MAP2K5: variants seen among roughly 807,000 people sequenced by gnomAD.
MAP2K5 encodes the protein dual specificity mitogen-activated protein kinase kinase 5.
MAP2K5 carries 49 observed loss-of-function variants against 83.1 expected under a neutral mutation model. That is an observed-to-expected ratio of 0.59 (90% CI 0.47 to 0.75). MAP2K5 has a LOEUF of 0.75. MAP2K5 is among the 30% of genes least tolerant of loss of function. MAP2K5 has a pLI of 0.00. For missense variants in MAP2K5, 457 were observed against 557.5 expected (o/e 0.82, Z 1.82); for synonymous variants, 202 against 191.8 (o/e 1.05, Z -0.44).
chr15:67,655,131 T>A (rs2087038263), intron 11 of MAP2K5, among the ~76,000 whole-genome samples: 1 of 152,192 alleles, frequency 6.6e-6, no homozygotes. Flanking sequence ...TCATCTTTTT[T>A]ATGCTATTAT....
chr15:67,692,802 CA>C (rs1324309079), intron 14 of MAP2K5, among the ~76,000 whole-genome samples: 1 of 152,110 alleles, frequency 6.6e-6, no homozygotes, highest in Non-Finnish European at 1.5e-5. Flanking sequence ...TAGCAAACTT[CA>C]TTGATATGCA....
intron 19 of MAP2K5, among the ~76,000 whole-genome samples, chr15:67,762,991 G>A (rs1000175780): frequency 1.9e-4 from 29 of 152,092 alleles, no homozygotes; most frequent in African/African-American, 6.8e-4. Context: ...AATTTGTCAC[G>A]CCTGGCAGCC....
chr15:67,624,583 A>G (rs2086267446), intron 8 of MAP2K5, among the ~76,000 whole-genome samples: 1 of 146,956 alleles, frequency 6.8e-6, no homozygotes, highest in South Asian at 2.2e-4. Context: ...AAACATCACG[A>G]TCTCTTTGTG....
intron 2 of MAP2K5, among the ~76,000 whole-genome samples, chr15:67,560,965 G>A (rs556153997): frequency 5.9e-5 from 9 of 152,184 alleles, no homozygotes; most frequent in African/African-American, 2.2e-4. Flanking sequence ...CAAAATATAA[G>A]CACTTGCCCA....
At chr15:67,598,301 G>A (rs895071956) in intron 7 of MAP2K5, among the ~76,000 whole-genome samples, 5 of 152,106 alleles carry the variant, frequency 3.3e-5, no homozygotes, top group African/African-American at 1.2e-4. Context: ...AGACATTATA[G>A]GAACACGTTG....
rs902016555 is a variant in MAP2K5, at chr15:67,620,568, T to C, written c.546-10320T>C. 3.3e-5 allele frequency among the ~76,000 whole-genome samples: 5 copies of C among 152,130 alleles called. No individual in the cohort carries two copies. In the South Asian group the frequency reaches 1.0e-3, roughly 32 times the overall value. ...GTAGAAATAAAAGAATGGAATCCAA[T>C]TGAATTCAGGAAGGAATAACATGAA... is the stretch of plus-strand genomic sequence containing the variant. On this transcript the variant is annotated intron_variant, in intron 8 of 21. Transcript: ENST00000178640.
At position 67,794,637 on chromosome 15, in the gene MAP2K5, T is replaced by TG. The variant is rs2090573392; in HGVS notation, c.1243-12008dup. 1.5e-5 allele frequency among the ~76,000 whole-genome samples: 1 copy of TG among 65,188 alleles called. No homozygotes were observed. The highest frequency in any genetic ancestry group is 8.3e-5 in the African/African-American group (1 of 12,060). 42.8% of individuals were successfully genotyped at this position (65,188 alleles called of 152,430 possible). A position where few individuals can be genotyped will look rare whatever the true frequency, so the allele number is the denominator to read the frequency against. ...TCGGGTAACTCTGGAACATCACAGC[T>TG]GAAAAAAAAAAAAAAAAAAAGACGG... is the stretch of plus-strand genomic sequence containing the variant. On this transcript the variant is annotated intron_variant, in intron 21 of 21. Transcript: ENST00000178640. This position sits in a 1 kb window ranked among gnomAD's most constrained non-coding sequence, Gnocchi z 4.6.
Position 67,573,938 on chromosome 15 carries a change from A to G in MAP2K5, c.253-6816A>G, listed in dbSNP as rs1428454069. On this transcript the variant is annotated intron_variant, in intron 3 of 21. Transcript: ENST00000178640. The surrounding 1 kb of genome is among the most constrained non-coding windows in gnomAD (Gnocchi z 4.2). ...TTACATATAAACAAACATTGTACATAAGGTAGATGTGTTCCTCCTCTTGCT... is the reference window on the plus strand; with the variant it reads ...TTACATATAAACAAACATTGTACATGAGGTAGATGTGTTCCTCCTCTTGCT... Among the ~76,000 whole-genome samples the G allele has an allele frequency of 6.6e-6, 1 of 152,188 alleles. No individual in the cohort carries two copies. The highest frequency in any genetic ancestry group is 1.9e-4 in the East Asian group (1 of 5,202).
At chr15:67,727,612 A>T (rs1240231812) in intron 16 of MAP2K5, among the ~76,000 whole-genome samples, 1 of 152,230 alleles carries the variant, frequency 6.6e-6, no homozygotes, top group African/African-American at 2.4e-5. Flanking sequence ...AGAAACTGTC[A>T]CACACACGTA....
rs1403082611 is a variant in MAP2K5 at position 67,801,689 on chromosome 15, G to A, written c.1243-4957G>A. Among the ~76,000 whole-genome samples, 2 of 152,170 alleles carry A rather than the reference G, an allele frequency of 1.3e-5. No individual in the cohort carries two copies. Among genetic ancestry groups the A allele is most frequent in the Non-Finnish European group, 2.9e-5 (2 of 68,028 alleles). ...ATGGGGGTGCCGGGAGGGTTCAGGA[G>A]AGCTGTGGTCAGATGTAAGGCATTC... On this transcript the variant is annotated intron_variant, in intron 21 of 21. Coordinates refer to ENST00000178640, the MANE Select transcript of MAP2K5 (RefSeq NM_145160.3). This position sits in a 1 kb window ranked among gnomAD's most constrained non-coding sequence, Gnocchi z 4.8.
At chr15:67,579,933 A>C (rs1173138099) in intron 3 of MAP2K5, among the ~76,000 whole-genome samples, 1 of 152,146 alleles carries the variant, frequency 6.6e-6, no homozygotes, top group Admixed American at 6.5e-5. Context: ...TAAAATCAGC[A>C]GTTTTCATTG....
intron 8 of MAP2K5, among the ~76,000 whole-genome samples, chr15:67,620,539 G>T (rs2086158366): frequency 6.6e-6 from 1 of 152,030 alleles, no homozygotes; most frequent in Non-Finnish European, 1.5e-5. Context: ...AGGTAGGGAA[G>T]TAAGTAGAAA....
At chr15:67,762,847 G>A (rs1301308437) in intron 19 of MAP2K5, among the ~76,000 whole-genome samples, 1 of 152,130 alleles carries the variant, frequency 6.6e-6, no homozygotes, top group African/African-American at 2.4e-5. Flanking sequence ...TTTATGGGTA[G>A]GATGGGCCTT....
Position 67,785,865 on chromosome 15 carries a change from G to A in MAP2K5, c.1242+13113G>A, listed in dbSNP as rs1430334692. Among the ~76,000 whole-genome samples the A allele has an allele frequency of 2.6e-5, 4 of 152,316 alleles. No individual in the cohort carries two copies. The highest frequency in any genetic ancestry group is 1.3e-4 in the Admixed American group (2 of 15,300). On this transcript the variant is annotated intron_variant, in intron 21 of 21. Coordinates refer to ENST00000178640, the MANE Select transcript of MAP2K5 (RefSeq NM_145160.3). The surrounding 1 kb of genome is among the most constrained non-coding windows in gnomAD (Gnocchi z 4.4). The stretch of plus-strand genomic sequence containing the variant: ...TGGGAAACTGGAAAGAGATTGAATT[G>A]GATGTCAGAAAATATAGCTTCAAGT...
intron 8 of MAP2K5, among the ~76,000 whole-genome samples, chr15:67,621,359 A>G (rs1481118933): frequency 6.6e-6 from 1 of 151,932 alleles, no homozygotes; most frequent in Non-Finnish European, 1.5e-5. Flanking sequence ...ATCTAACTCA[A>G]GAAAATCAAG....
rs1165781414 is a variant in MAP2K5, at chr15:67,777,669, G to A, written c.1242+4917G>A. Among the ~76,000 whole-genome samples the A allele has an allele frequency of 6.6e-6, 1 of 152,220 alleles. No individual in the cohort carries two copies. Among genetic ancestry groups the A allele is most frequent in the South Asian group, 2.1e-4 (1 of 4,832 alleles). On this transcript the variant is annotated intron_variant, in intron 21 of 21. Coordinates refer to ENST00000178640, the MANE Select transcript of MAP2K5 (RefSeq NM_145160.3). This position sits in a 1 kb window ranked among gnomAD's most constrained non-coding sequence, Gnocchi z 6.0. The stretch of plus-strand genomic sequence containing the variant: ...TATCTGTTCTAGCTGTTCAGTGGCA[G>A]CGAGAATTTCAGAGAAACAAGCTGG...
chr15:67,757,673 A>G lies in MAP2K5; in HGVS notation c.1134+9072A>G, dbSNP rs565071220. Among the ~76,000 whole-genome samples the G allele has an allele frequency of 2.6e-5, 4 of 152,284 alleles. No homozygotes were observed. In the South Asian group the frequency reaches 8.3e-4, roughly 32 times the overall value. ...GAGGCAGACAAGTAAACAGTCATATATGCAGATCACTAAACTGCAGGTAAT... is the reference window on the plus strand; with the variant it reads ...GAGGCAGACAAGTAAACAGTCATATGTGCAGATCACTAAACTGCAGGTAAT... On this transcript the variant is annotated intron_variant, in intron 19 of 21. Coordinates refer to ENST00000178640, the MANE Select transcript of MAP2K5 (RefSeq NM_145160.3). This position sits in a 1 kb window ranked among gnomAD's most constrained non-coding sequence, Gnocchi z 4.9.
In MAP2K5 at chr15:67,601,798, T is replaced by C. The variant is rs559332650; in HGVS notation, c.545+1049T>C. On this transcript the variant is annotated intron_variant, in intron 8 of 21. Coordinates refer to ENST00000178640, the MANE Select transcript of MAP2K5 (RefSeq NM_145160.3). ...GATGCAGCCTTGGTATAGAATTTGA[T>C]TTCTCAGGCTTAGAAGCTCTTTTGA... Among the ~76,000 whole-genome samples, 18 of 152,376 alleles carry C rather than the reference T, an allele frequency of 1.2e-4. 2 individuals are homozygous for C. In the South Asian group the frequency reaches 3.7e-3, roughly 32 times the overall value.
At chr15:67,731,906 A>G (rs771430264) in intron 17 of MAP2K5, among the ~76,000 whole-genome samples, 2 of 152,094 alleles carry the variant, frequency 1.3e-5, no homozygotes, top group Non-Finnish European at 2.9e-5. Context: ...AATGCTGAGC[A>G]TTGGAGGGTT....
Sources: gnomAD v4.1 joint callset for allele counts (sites outside exome capture counted in the v4.1 genomes callset) on GRCh38, gnomAD v4.1.1 for gene constraint, Gnocchi (gnomAD v3.1) non-coding constraint, MANE v1.5 for transcripts, NCBI Gene and HGNC (gene_info 2026-07-23, HGNC 2026-07-21) for gene names.